Variants in RASGEF1A observed in about 807,000 individuals in gnomAD.
RASGEF1A encodes the protein ras-GEF domain-containing family member 1A.
In RASGEF1A, 18 loss-of-function variants were observed where a neutral mutation model predicts 56.4. That is an observed-to-expected ratio of 0.32 (90% CI 0.22 to 0.47). The LOEUF is 0.47. Ranked by LOEUF, RASGEF1A falls within the 20% of genes least tolerant of loss-of-function variation. RASGEF1A has a pLI of 1.00. For missense variants in RASGEF1A, 422 were observed against 627.1 expected (o/e 0.67, Z 3.49); for synonymous variants, 245 against 242.6 (o/e 1.01, Z -0.09).
chr10:43,222,414 C>T (rs1285317013), intron 1 of RASGEF1A, among the ~76,000 whole-genome samples: 10 of 152,142 alleles, frequency 6.6e-5, no homozygotes, highest in Non-Finnish European at 1.3e-4. Flanking sequence ...CCACCCCCAG[C>T]TCTAGGGACA....
At chr10:43,215,650 C>A (rs916201278) in intron 1 of RASGEF1A, among the ~76,000 whole-genome samples, 1 of 152,216 alleles carries the variant, frequency 6.6e-6, no homozygotes, top group Non-Finnish European at 1.5e-5. Flanking sequence ...GAGCCCTATT[C>A]TTTGCCCATT....
chr10:43,201,953 A>G lies in RASGEF1A; in HGVS notation c.322-8T>C, dbSNP rs751309879. 4.4e-6 allele frequency: 7 copies of G among 1,602,666 alleles called. No homozygotes were observed. The highest frequency in any genetic ancestry group is 1.7e-5 in the Admixed American group (1 of 59,180). On this transcript the variant is annotated splice_polypyrimidine_tract_variant and splice_region_variant and intron_variant, in intron 3 of 12. Coordinates refer to ENST00000395810, the MANE Select transcript of RASGEF1A (RefSeq NM_145313.4). ...GAAAGACTTCAGCTTGGCCTGGGGCAGCAGGGGATACAGAGTAAGGCCCCA... is the reference window on the plus strand; with the variant it reads ...GAAAGACTTCAGCTTGGCCTGGGGCGGCAGGGGATACAGAGTAAGGCCCCA...
intron 1 of RASGEF1A, among the ~76,000 whole-genome samples, chr10:43,220,248 C>G (rs535177316): frequency 1.3e-5 from 2 of 152,194 alleles, no homozygotes; most frequent in Non-Finnish European, 2.9e-5. Flanking sequence ...ACCTGTAATC[C>G]TGGCACTTTA....
intron 1 of RASGEF1A, among the ~76,000 whole-genome samples, chr10:43,262,983 G>A (rs1040614018): frequency 6.6e-6 from 1 of 152,198 alleles, no homozygotes; most frequent in Non-Finnish European, 1.5e-5. Flanking sequence ...AGAGCCAGCT[G>A]CCTACCTGCT....
At chr10:43,202,478 G>T (rs1839915800) in intron 3 of RASGEF1A, among the ~76,000 whole-genome samples, 1 of 152,104 alleles carries the variant, frequency 6.6e-6, no homozygotes, top group East Asian at 1.9e-4. Flanking sequence ...CTCGGAAGAT[G>T]CCCGCGCGGC....
chr10:43,229,794 G>T, intron 1 of RASGEF1A: 1 of 1,240,548 alleles, frequency 8.1e-7, no homozygotes, highest in Non-Finnish European at 1.0e-6. Context: ...GTGGGACCCC[G>T]GAAGCAGGGA....
chr10:43,200,187 G>A lies in RASGEF1A; in HGVS notation c.751C>T (p.His251Tyr). The change falls in exon 6 of 13, where the codon CAC (histidine) becomes TAC (tyrosine). Residue 251 changes from histidine (H) to tyrosine (Y), a missense_variant. Coordinates refer to ENST00000395810, the MANE Select transcript of RASGEF1A (RefSeq NM_145313.4). ...IVSHMDSLDNHRCRGDLTKTY... is the reference protein window; with the variant it reads ...IVSHMDSLDNYRCRGDLTKTY... ...ACAGGCCTTGGCCCACTTACCCTGT[G>A]GTTGTCCAAGGAGTCCATGTGGCTG... is the stretch of plus-strand genomic sequence containing the variant. The A allele has an allele frequency of 6.3e-7, 1 of 1,599,454 alleles. No individual in the cohort carries two copies. Among genetic ancestry groups the A allele is most frequent in the Non-Finnish European group, 8.5e-7 (1 of 1,172,004 alleles).
intron 1 of RASGEF1A, among the ~76,000 whole-genome samples, chr10:43,223,015 T>A (rs1030162030): frequency 3.3e-5 from 5 of 151,902 alleles, no homozygotes; most frequent in Admixed American, 1.3e-4. Flanking sequence ...TTTTTTTTTA[T>A]AACCCTATTA....
Position 43,242,840 on chromosome 10 carries a change from TTGCCCAGGCTGGAG to T in RASGEF1A, c.-7+23991_-7+24004del, listed in dbSNP as rs542870460. Among the ~76,000 whole-genome samples the T allele has an allele frequency of 3.3e-5, 5 of 152,312 alleles. No homozygotes were observed. The South Asian group carries it at 1.0e-3, about 32-fold the overall frequency. On this transcript the variant is annotated intron_variant, in intron 1 of 12. Transcript: ENST00000395810. ...AGTCTCGCTCACTCATTGCTCAATG[TTGCCCAGGCTGGAG>T]TGCAGTGGCGTGATCTCGGCTCACT...
intron 1 of RASGEF1A, among the ~76,000 whole-genome samples, chr10:43,258,507 G>A (rs1836466356): frequency 6.6e-6 from 1 of 152,236 alleles, no homozygotes; most frequent in Non-Finnish European, 1.5e-5. Flanking sequence ...GACACCAGAG[G>A]ACAAGTGCAT....
At chr10:43,233,804 C>T (rs997029341) in intron 1 of RASGEF1A, among the ~76,000 whole-genome samples, 6 of 152,222 alleles carry the variant, frequency 3.9e-5, no homozygotes, top group Admixed American at 1.3e-4. Flanking sequence ...AAAGGACACA[C>T]GCAGGAGTGT....
At chr10:43,236,584 G>A (rs765919703) in intron 1 of RASGEF1A, among the ~76,000 whole-genome samples, 64 of 152,176 alleles carry the variant, frequency 4.2e-4, no homozygotes, top group Non-Finnish European at 6.9e-4. Flanking sequence ...CGTCTCTCGC[G>A]CCCTCCCTCC....
intron 1 of RASGEF1A, chr10:43,209,158 C>G (rs1437242279): frequency 2.0e-6 from 2 of 985,394 alleles, no homozygotes; most frequent in African/African-American, 3.5e-5. Context: ...GGGCTCTTGG[C>G]TCCAGTCACA....
At chr10:43,265,750 C>T (rs1316169399) in intron 1 of RASGEF1A, among the ~76,000 whole-genome samples, 1 of 152,346 alleles carries the variant, frequency 6.6e-6, no homozygotes, top group African/African-American at 2.4e-5. Flanking sequence ...GGCTGGAGGC[C>T]CCCTAGAGCC....
At chr10:43,216,437 G>A (rs1235370052) in intron 1 of RASGEF1A, among the ~76,000 whole-genome samples, 1 of 152,208 alleles carries the variant, frequency 6.6e-6, no homozygotes, top group East Asian at 1.9e-4. Context: ...TGCGGGGAGG[G>A]CTCAGCAGGG....
At position 43,199,764 on chromosome 10, in the gene RASGEF1A, C is replaced by T. The variant is rs745393909; in HGVS notation, c.761G>A (p.Arg254Gln). 23 of 1,613,206 alleles carry T rather than the reference C, an allele frequency of 1.4e-5. No individual in the cohort carries two copies. The highest frequency in any genetic ancestry group is 2.2e-5 in the East Asian group (1 of 44,890). The change falls in exon 7 of 13, where the codon CGA (arginine) becomes CAA (glutamine). Residue 254 changes from arginine to glutamine, a missense_variant. Arg to Gln is a conservative substitution (Grantham distance 43). This residue lies in a region of RASGEF1A where 273 missense variants were observed against 339.9 expected (regional missense o/e 0.80). Transcript: ENST00000395810. ...HMDSLDNHRC[R>Q]GDLTKTYSLE... ...GCTGTAGGTCTTGGTCAGGTCCCCTCGGCACTGGAAAGGACACAGCAGGTC... is the reference window on the plus strand; with the variant it reads ...GCTGTAGGTCTTGGTCAGGTCCCCTTGGCACTGGAAAGGACACAGCAGGTC...
chr10:43,230,022 C>T (rs1411783923), intron 1 of RASGEF1A, among the ~76,000 whole-genome samples: 3 of 151,860 alleles, frequency 2.0e-5, no homozygotes, highest in East Asian at 1.9e-4. Flanking sequence ...TGAGGCTGGA[C>T]GGGGCGTCCG....
At chr10:43,258,467 T>G (rs1390795809) in intron 1 of RASGEF1A, among the ~76,000 whole-genome samples, 1 of 152,174 alleles carries the variant, frequency 6.6e-6, no homozygotes, top group East Asian at 1.9e-4. Context: ...GTGCCCCACC[T>G]ACCTCAGGGC....
rs777711860 is a variant in RASGEF1A, at chr10:43,201,968, G to A, written c.322-23C>T. The A allele has an allele frequency of 1.3e-5, 21 of 1,591,110 alleles. No homozygotes were observed. In the Admixed American group the frequency reaches 1.5e-4, roughly 12 times the overall value. On this transcript the variant is annotated intron_variant, in intron 3 of 12. Coordinates refer to ENST00000395810, the MANE Select transcript of RASGEF1A (RefSeq NM_145313.4). Reference sequence around the variant, plus strand: ...GGCCTGGGGCAGCAGGGGATACAGAGTAAGGCCCCACAGGGCAGAGTAGGG... The same window carrying A: ...GGCCTGGGGCAGCAGGGGATACAGAATAAGGCCCCACAGGGCAGAGTAGGG...
Sources: allele counts gnomAD v4.1 joint callset (sites outside exome capture counted in the v4.1 genomes callset), GRCh38; gene constraint gnomAD v4.1.1; regional missense constraint gnomAD v4.1.1; transcripts MANE v1.5; gene names NCBI Gene and HGNC (gene_info 2026-07-23, HGNC 2026-07-21).